LRMDA: variants seen among roughly 807,000 people sequenced by gnomAD.
LRMDA encodes the protein leucine-rich melanocyte differentiation-associated protein.
A neutral mutation model predicts 29.8 loss-of-function variants in LRMDA; 18 were observed. The observed-to-expected ratio is 0.60, with a 90% CI of 0.42 to 0.90. The LOEUF (loss-of-function observed/expected upper bound fraction) is 0.90. Ranked by LOEUF, LRMDA falls within the 40% of genes least tolerant of loss-of-function variation. The pLI is 0.00. For synonymous variants in LRMDA, 125 were observed against 109.4 expected, an observed-to-expected ratio of 1.14 and a Z score of -0.89; for missense variants, 273 against 273.9, an observed-to-expected ratio of 1.00 and a Z score of 0.02.
At chr10:75,713,915 C>T (rs1165508794) in intron 2 of LRMDA, among the ~76,000 whole-genome samples, 1 of 152,054 alleles carries the variant, frequency 6.6e-6, no homozygotes. Flanking sequence ...AATTGTTTTG[C>T]TCTGTGTCAC....
At chr10:75,949,438 GA>G (rs1024177247) in intron 2 of LRMDA, among the ~76,000 whole-genome samples, 19 of 152,202 alleles carry the variant, frequency 1.2e-4, no homozygotes, top group African/African-American at 4.3e-4. Context: ...AGTCTCAGGG[GA>G]TAGCCATGTG....
intron 6 of LRMDA, among the ~76,000 whole-genome samples, chr10:76,518,124 C>G (rs1323612383): frequency 6.6e-6 from 1 of 151,728 alleles, no homozygotes; most frequent in East Asian, 1.9e-4. Flanking sequence ...TAAATAAACC[C>G]AACTATATAT....
rs544709333 is a variant in LRMDA at position 76,356,223 on chromosome 10, T to A, written c.601+31738T>A. On this transcript the variant is annotated intron_variant, in intron 6 of 6. Coordinates refer to ENST00000611255, the MANE Select transcript of LRMDA (RefSeq NM_001305581.2). ...GTGGTCATCGTCATGGAGATGGTAGTTATTATTCCAAATATCCAGATAATT... is the reference window on the plus strand; with the variant it reads ...GTGGTCATCGTCATGGAGATGGTAGATATTATTCCAAATATCCAGATAATT... Among the ~76,000 whole-genome samples the A allele has an allele frequency of 2.2e-4, 33 of 152,344 alleles. No homozygotes were observed. In the South Asian group the frequency reaches 6.4e-3, roughly 30 times the overall value.
intron 2 of LRMDA, among the ~76,000 whole-genome samples, chr10:75,651,359 C>G (rs1841597520): frequency 6.6e-6 from 1 of 152,106 alleles, no homozygotes; most frequent in African/African-American, 2.4e-5. Context: ...TTGAGGGTAT[C>G]GCTCAGCCCT....
At chr10:75,651,566 T>C (rs1841600024) in intron 2 of LRMDA, among the ~76,000 whole-genome samples, 1 of 152,170 alleles carries the variant, frequency 6.6e-6, no homozygotes, top group East Asian at 1.9e-4. Flanking sequence ...ATAAGCCAAA[T>C]CATGTTGGCT....
At chr10:76,162,075 A>C (rs1850656533) in intron 5 of LRMDA, among the ~76,000 whole-genome samples, 1 of 152,208 alleles carries the variant, frequency 6.6e-6, no homozygotes, top group African/African-American at 2.4e-5. Context: ...CTTGAGTTCA[A>C]GCTAATAACC....
intron 6 of LRMDA, among the ~76,000 whole-genome samples, chr10:76,342,583 A>AT (rs1298744478): frequency 6.6e-6 from 1 of 151,926 alleles, no homozygotes; most frequent in Non-Finnish European, 1.5e-5. Flanking sequence ...CCAAAAGTTA[A>AT]TTTTTTTGAA....
At chr10:75,815,145 T>G (rs1348087533) in intron 2 of LRMDA, among the ~76,000 whole-genome samples, 3 of 152,180 alleles carry the variant, frequency 2.0e-5, no homozygotes, top group Non-Finnish European at 4.4e-5. Context: ...GCATTTTTCA[T>G]GTTCACTAGA....
chr10:76,278,511 T>A (rs550106679), intron 5 of LRMDA, among the ~76,000 whole-genome samples: 1 of 152,306 alleles, frequency 6.6e-6, no homozygotes, highest in Non-Finnish European at 1.5e-5. Context: ...TGCTTTGTTA[T>A]ACTGTCTTAT....
At chr10:75,757,425 G>A (rs1289465161) in intron 2 of LRMDA, among the ~76,000 whole-genome samples, 1 of 152,150 alleles carries the variant, frequency 6.6e-6, no homozygotes, top group Non-Finnish European at 1.5e-5. Context: ...AGGTTAGAAC[G>A]TCTAGCTATA....
intron 5 of LRMDA, among the ~76,000 whole-genome samples, chr10:76,213,305 T>C (rs1851669300): frequency 6.6e-6 from 1 of 152,210 alleles, no homozygotes; most frequent in Non-Finnish European, 1.5e-5. Context: ...CACATCAAGT[T>C]GTGAATGGAA....
At chr10:76,169,223 A>G (rs1284446761) in intron 5 of LRMDA, among the ~76,000 whole-genome samples, 1 of 152,200 alleles carries the variant, frequency 6.6e-6, no homozygotes, top group African/African-American at 2.4e-5. Flanking sequence ...TCTTTTTGCT[A>G]CAACTAACCA....
intron 2 of LRMDA, among the ~76,000 whole-genome samples, chr10:75,452,996 TG>T (rs1725471034): frequency 1.3e-5 from 2 of 152,294 alleles, no homozygotes; most frequent in African/African-American, 4.8e-5. Context: ...TTAGTAAATG[TG>T]GGGATCTTTT....
chr10:75,950,994 C>T (rs1846564643), intron 2 of LRMDA, among the ~76,000 whole-genome samples: 1 of 152,130 alleles, frequency 6.6e-6, no homozygotes, highest in Admixed American at 6.5e-5. Context: ...CCAAGGCAGA[C>T]ATCACTGGTG....
intron 2 of LRMDA, among the ~76,000 whole-genome samples, chr10:75,977,028 A>T (rs939160462): frequency 2.6e-5 from 4 of 152,014 alleles, no homozygotes; most frequent in Non-Finnish European, 5.9e-5. Flanking sequence ...TGGGTATGAA[A>T]TGCCCCATAA....
At chr10:75,548,170 G>A (rs767462531) in intron 2 of LRMDA, among the ~76,000 whole-genome samples, 22 of 151,764 alleles carry the variant, frequency 1.4e-4, no homozygotes, top group Non-Finnish European at 2.9e-4. Flanking sequence ...AGCCCTTAAC[G>A]GATGATTAAG....
intron 6 of LRMDA, among the ~76,000 whole-genome samples, chr10:76,402,983 T>C (rs1335935003): frequency 6.6e-6 from 1 of 151,944 alleles, no homozygotes; most frequent in East Asian, 2.0e-4. Context: ...TCAAGGACTG[T>C]TGGATTTGTT....
intron 2 of LRMDA, among the ~76,000 whole-genome samples, chr10:75,675,765 C>G (rs759125198): frequency 2.0e-5 from 3 of 151,590 alleles, no homozygotes; most frequent in Non-Finnish European, 4.4e-5. Context: ...TACAGTTGGT[C>G]TTGTTCTAGA....
chr10:75,820,854 A>G (rs997623846), intron 2 of LRMDA, among the ~76,000 whole-genome samples: 22 of 152,336 alleles, frequency 1.4e-4, no homozygotes, highest in South Asian at 2.1e-4. Context: ...TAACCAAAAT[A>G]CAAAAGATCA....
Sources: allele counts gnomAD v4.1 joint callset (sites outside exome capture counted in the v4.1 genomes callset), GRCh38; gene constraint gnomAD v4.1.1; transcripts MANE v1.5; gene names NCBI Gene and HGNC (gene_info 2026-07-23, HGNC 2026-07-21).